Variants in SMIM41 observed in about 807,000 individuals in gnomAD.
The protein encoded by SMIM41 is small integral membrane protein 41.
At chr12:52,094,133 G>GA (rs71092745) in intron 2 of SMIM41, among the ~76,000 whole-genome samples, 14,113 of 128,546 alleles carry the variant, frequency 0.11, 2,809 homozygotes, top group African/African-American at 0.39. Context: ...TCCATCTCCG[G>GA]AAAAAAAAAA....
At chr12:52,090,595 A>G (rs973764845) in intron 2 of SMIM41, among the ~76,000 whole-genome samples, 5 of 152,212 alleles carry the variant, frequency 3.3e-5, no homozygotes, top group African/African-American at 9.6e-5. Context: ...GAGAGGCTGC[A>G]GGTGAAGTGG....
intron 2 of SMIM41, among the ~76,000 whole-genome samples, chr12:52,091,852 TAAC>T (rs776808539): frequency 2.0e-5 from 3 of 152,234 alleles, no homozygotes; most frequent in Admixed American, 6.5e-5. Flanking sequence ...AGGGAAGTGT[TAAC>T]AACAAAGTTT....
intron 2 of SMIM41, among the ~76,000 whole-genome samples, chr12:52,086,843 T>C (rs980703896): frequency 1.3e-5 from 2 of 152,144 alleles, no homozygotes; most frequent in African/African-American, 4.8e-5. Flanking sequence ...GCTCATTACC[T>C]CAGTCACTGT....
chr12:52,082,840 G>T (rs1342190071), intron 1 of SMIM41, among the ~76,000 whole-genome samples: 34 of 152,154 alleles, frequency 2.2e-4, no homozygotes, highest in Admixed American at 2.2e-3. Context: ...GCAAAGACGG[G>T]GGTGGCTCTC....
intron 2 of SMIM41, among the ~76,000 whole-genome samples, chr12:52,098,564 C>T (rs1348422306): frequency 6.6e-6 from 1 of 151,186 alleles, no homozygotes; most frequent in Non-Finnish European, 1.5e-5. Flanking sequence ...CTCTTCCCCC[C>T]TGGATATTGG....
intron 2 of SMIM41, among the ~76,000 whole-genome samples, chr12:52,098,079 G>A (rs951824705): frequency 4.0e-5 from 6 of 151,840 alleles, no homozygotes; most frequent in African/African-American, 7.3e-5. Flanking sequence ...TACGCCTGTC[G>A]CGAAATTCAA....
intron 2 of SMIM41, among the ~76,000 whole-genome samples, chr12:52,093,394 T>C (rs1458700850): frequency 6.6e-6 from 1 of 152,166 alleles, no homozygotes; most frequent in Non-Finnish European, 1.5e-5. Flanking sequence ...ACTTGGCTGG[T>C]TTTCCTGTAG....
At chr12:52,098,409 C>A (rs1451244929) in intron 2 of SMIM41, among the ~76,000 whole-genome samples, 3 of 152,048 alleles carry the variant, frequency 2.0e-5, no homozygotes, top group Non-Finnish European at 2.9e-5. Flanking sequence ...GATTTTCTCC[C>A]CCCTGGATAT....
chr12:52,107,212 G>GGTCGCC, intron 2 of SMIM41, 167 bp from the exon 3 acceptor site: 1 of 366,480 alleles, frequency 2.7e-6, no homozygotes, highest in South Asian at 2.1e-5. Context: ...GGATTGCTCT[G>GGTCGCC]GAATCTGAAA....
At chr12:52,088,611 TG>T (rs1432756709) in intron 2 of SMIM41, among the ~76,000 whole-genome samples, 1 of 152,218 alleles carries the variant, frequency 6.6e-6, no homozygotes, top group Non-Finnish European at 1.5e-5. Flanking sequence ...TGGTCCCTTC[TG>T]CCTGACGGAA....
At chr12:52,085,773 A>C (rs1939883647) in intron 2 of SMIM41, among the ~76,000 whole-genome samples, 2 of 152,332 alleles carry the variant, frequency 1.3e-5, no homozygotes, top group African/African-American at 4.8e-5. Flanking sequence ...CACAGACCAC[A>C]GGGTCCAAAG....
chr12:52,101,901 G>A (rs1408740161), intron 2 of SMIM41, among the ~76,000 whole-genome samples: 4 of 152,060 alleles, frequency 2.6e-5, no homozygotes, highest in Admixed American at 1.3e-4. Context: ...TAGTAGAGAC[G>A]GGGGTTTTTC....
intron 2 of SMIM41, 138 bp from the exon 3 acceptor site, chr12:52,107,241 T>G: frequency 2.7e-6 from 1 of 377,296 alleles, no homozygotes; most frequent in South Asian, 2.0e-5. Context: ...TGTGAATTGC[T>G]TGTATCCAAA....
At chr12:52,100,199 T>G (rs1940190495) in intron 2 of SMIM41, among the ~76,000 whole-genome samples, 2 of 152,022 alleles carry the variant, frequency 1.3e-5, no homozygotes, top group South Asian at 2.1e-4. Flanking sequence ...AGGGGTAGTG[T>G]ACATTTCCTT....
intron 2 of SMIM41, among the ~76,000 whole-genome samples, chr12:52,093,331 A>C (rs1346492497): frequency 6.6e-6 from 1 of 152,182 alleles, no homozygotes; most frequent in Non-Finnish European, 1.5e-5. Context: ...CCAGAATTTC[A>C]TTTTTGCCAC....
intron 2 of SMIM41, among the ~76,000 whole-genome samples, chr12:52,093,847 C>T (rs892368903): frequency 5.9e-5 from 9 of 151,938 alleles, no homozygotes; most frequent in Non-Finnish European, 8.8e-5. Context: ...AAAATCTGGC[C>T]GGGTGGGGCG....
At chr12:52,103,016 T>C (rs568644344) in intron 2 of SMIM41, among the ~76,000 whole-genome samples, 1 of 152,190 alleles carries the variant, frequency 6.6e-6, no homozygotes, top group Non-Finnish European at 1.5e-5. Flanking sequence ...AATGGAAGAC[T>C]ATTCAGCCTT....
chr12:52,097,135 A>C (rs1940112259), intron 2 of SMIM41, among the ~76,000 whole-genome samples: 1 of 152,052 alleles, frequency 6.6e-6, no homozygotes, highest in African/African-American at 2.4e-5. Flanking sequence ...ACACTATGGC[A>C]GGGGGTGAAC....
At chr12:52,096,213 G>A (rs1010023980) in intron 2 of SMIM41, among the ~76,000 whole-genome samples, 8 of 151,172 alleles carry the variant, frequency 5.3e-5, no homozygotes, top group African/African-American at 1.9e-4. Context: ...TACCACAGAA[G>A]GGGTGTACAC....
Sources: gnomAD v4.1 joint callset for allele counts (sites outside exome capture counted in the v4.1 genomes callset) on GRCh38, gnomAD v4.1.1 for gene constraint, MANE v1.5 for transcripts, NCBI Gene and HGNC (gene_info 2026-07-23, HGNC 2026-07-21) for gene names.